Variants in DLGAP2 observed in about 807,000 individuals in gnomAD.
The protein encoded by DLGAP2 is disks large-associated protein 2.
Under a neutral mutation model 100.3 loss-of-function variants are expected in DLGAP2, and 26 were observed. That is an observed-to-expected ratio of 0.26 (90% CI 0.19 to 0.36). The LOEUF is 0.36. Ranked by LOEUF, DLGAP2 falls within the 10% of genes least tolerant of loss-of-function variation. The pLI, the probability that DLGAP2 is intolerant of heterozygous loss-of-function variation, is 1.00. For synonymous variants in DLGAP2, 886 were observed against 630.1 expected (o/e 1.41, Z -6.08); for missense variants, 1,858 against 1,453.2 (o/e 1.28, Z -4.53).
intron 3 of DLGAP2, among the ~76,000 whole-genome samples, chr8:1,364,927 G>A (rs59008115): frequency 2.0e-3 from 310 of 152,262 alleles, no homozygotes; most frequent in African/African-American, 4.8e-3. Flanking sequence ...GAACAGCAGC[G>A]AAGCTCCCAC....
In DLGAP2 at chr8:830,616, A is replaced by G. The variant is rs1585909406; in HGVS notation, c.19-77296A>G. ...ATTTAAGTTACGGGTGCTACTGAGTATGTTTCTTCCTTGTTTTCCATCTTT... is the reference window on the plus strand; with the variant it reads ...ATTTAAGTTACGGGTGCTACTGAGTGTGTTTCTTCCTTGTTTTCCATCTTT... On this transcript the variant is annotated intron_variant, in intron 1 of 14. Coordinates refer to ENST00000637795, the MANE Select transcript of DLGAP2 (RefSeq NM_001346810.2). Among the ~76,000 whole-genome samples the G allele has an allele frequency of 2.6e-5, 4 of 152,292 alleles. No homozygotes were observed. The East Asian group carries it at 7.7e-4, about 29-fold the overall frequency.
chr8:1,697,138 T>C lies in DLGAP2; in HGVS notation c.2797-9T>C. 1.3e-6 allele frequency: 2 copies of C among 1,558,260 alleles called. No individual in the cohort carries two copies. The highest frequency in any genetic ancestry group is 1.7e-6 in the Non-Finnish European group (2 of 1,150,776). ...CTCCTGGCTCTGAACACCCTGTGTG[T>C]GTCCCCAGGACCCCAGCGCCATGCC... is the stretch of plus-strand genomic sequence containing the variant. On this transcript the variant is annotated splice_polypyrimidine_tract_variant and intron_variant, in intron 13 of 14. Transcript: ENST00000637795.
intron 4 of DLGAP2, among the ~76,000 whole-genome samples, chr8:1,535,476 CAT>C (rs769071539): frequency 1.1e-4 from 17 of 152,220 alleles, no homozygotes; most frequent in Non-Finnish European, 2.4e-4. Context: ...TGTCGACACA[CAT>C]GTTGTTCATG....
At chr8:1,434,897 C>CA (rs1797570902) in intron 3 of DLGAP2, among the ~76,000 whole-genome samples, 1 of 152,208 alleles carries the variant, frequency 6.6e-6, no homozygotes, top group Non-Finnish European at 1.5e-5. Flanking sequence ...TCCTTCTTAT[C>CA]ACTGGGCTTT....
chr8:1,601,358 C>A (rs1424916592), intron 6 of DLGAP2, among the ~76,000 whole-genome samples: 1 of 152,186 alleles, frequency 6.6e-6, no homozygotes, highest in Non-Finnish European at 1.5e-5. Flanking sequence ...GGTCAGGGGC[C>A]CACTTGAGGA....
At chr8:1,467,418 G>A (rs1798657553) in intron 3 of DLGAP2, among the ~76,000 whole-genome samples, 2 of 150,046 alleles carry the variant, frequency 1.3e-5, no homozygotes, top group South Asian at 4.3e-4. Context: ...CACCTCCCAG[G>A]AGCTCCAGAG....
chr8:898,922 A>G (rs1164054128), intron 1 of DLGAP2, among the ~76,000 whole-genome samples: 2 of 152,208 alleles, frequency 1.3e-5, no homozygotes, highest in East Asian at 1.9e-4. Flanking sequence ...AGCAGCGCCG[A>G]CAGTTCCTGG....
At chr8:1,507,766 T>TCCTCCTTCACCCACGAC (rs1001855860) in intron 4 of DLGAP2, among the ~76,000 whole-genome samples, 18 of 133,634 alleles carry the variant, frequency 1.3e-4, no homozygotes, top group African/African-American at 5.8e-4. Context: ...CACCGAGTCT[T>TCCTCCTTCACCCACGAC]CCTCCTTCAC....
chr8:1,605,826 T>A (rs1053624720), intron 6 of DLGAP2, among the ~76,000 whole-genome samples: 2 of 152,188 alleles, frequency 1.3e-5, no homozygotes, highest in Non-Finnish European at 2.9e-5. Context: ...ATCATATAGT[T>A]GTAATAATCC....
chr8:1,001,869 C>G (rs1195818647), intron 2 of DLGAP2, among the ~76,000 whole-genome samples: 1 of 152,174 alleles, frequency 6.6e-6, no homozygotes, highest in African/African-American at 2.4e-5. Context: ...GATAATGCTG[C>G]TGATGCTTTG....
intron 2 of DLGAP2, among the ~76,000 whole-genome samples, chr8:1,163,915 C>T (rs1217841519): frequency 3.9e-5 from 6 of 152,246 alleles, no homozygotes; most frequent in Admixed American, 3.3e-4. Context: ...GTCCGGCGTC[C>T]GCGGGCCCTG....
intron 2 of DLGAP2, among the ~76,000 whole-genome samples, chr8:1,177,450 A>C (rs1353413680): frequency 6.6e-6 from 1 of 152,012 alleles, no homozygotes. Context: ...CTTTGGGCAC[A>C]CCGGAGCAGA....
At chr8:953,154 G>T (rs116436842) in intron 2 of DLGAP2, among the ~76,000 whole-genome samples, 1,878 of 152,232 alleles carry the variant, frequency 0.012, 45 homozygotes, top group African/African-American at 0.043. Flanking sequence ...CTGGCTCATG[G>T]TGTTAAATAC....
chr8:1,590,092 C>G (rs1011658999), intron 6 of DLGAP2, among the ~76,000 whole-genome samples: 2 of 152,206 alleles, frequency 1.3e-5, no homozygotes, highest in Non-Finnish European at 2.9e-5. Context: ...CATCACTCCA[C>G]CCTCGGCCTC....
In DLGAP2 at chr8:1,017,356, GAC is replaced by G. The variant is rs1240310305; in HGVS notation, c.73+109391_73+109392del. On this transcript the variant is annotated intron_variant, in intron 2 of 14. Coordinates refer to ENST00000637795, the MANE Select transcript of DLGAP2 (RefSeq NM_001346810.2). ...CACTGTGTGTGTGACCAGGACAGACGACGCCTCCACTGTGTGTGACCAGGACA... is the reference window on the plus strand; with the variant it reads ...CACTGTGTGTGTGACCAGGACAGACGGCCTCCACTGTGTGTGACCAGGACA... Among the ~76,000 whole-genome samples, 3 of 1,870 alleles carry G rather than the reference GAC, an allele frequency of 1.6e-3. 1 individual carries two copies. The African/African-American group carries it at 0.02, about 12-fold the overall frequency. The allele number at this position is 1,870 out of a possible 152,430, so 1.2% of individuals were successfully genotyped here.
At chr8:1,038,151 T>C (rs1398100932) in intron 2 of DLGAP2, among the ~76,000 whole-genome samples, 1 of 152,218 alleles carries the variant, frequency 6.6e-6, no homozygotes, top group Admixed American at 6.5e-5. Context: ...TCGCTACCTG[T>C]GTGTTTCTCA....
At position 1,139,821 on chromosome 8, in the gene DLGAP2, C is replaced by CT. The variant is rs530520154; in HGVS notation, c.74-119024dup. On this transcript the variant is annotated intron_variant, in intron 2 of 14. Transcript: ENST00000637795. Reference sequence around the variant, plus strand: ...TCTCTCAGCACCGTAAGTGTATTAACTTTTTTAATTCTCATAAGGGGTCTG... The same window carrying CT: ...TCTCTCAGCACCGTAAGTGTATTAACTTTTTTTAATTCTCATAAGGGGTCTG... Among the ~76,000 whole-genome samples the CT allele has an allele frequency of 4.5e-3, 686 of 152,088 alleles. 4 individuals carry two copies. The highest frequency in any genetic ancestry group is 7.5e-3 in the Non-Finnish European group (509 of 68,006).
intron 3 of DLGAP2, among the ~76,000 whole-genome samples, chr8:1,278,245 T>G (rs1035444355): frequency 4.6e-5 from 7 of 152,212 alleles, no homozygotes; most frequent in Non-Finnish European, 1.0e-4. Flanking sequence ...TTATTTTATC[T>G]ATAAAAGTGG....
rs1214969570 is a variant in DLGAP2 at position 1,111,349 on chromosome 8, G to A, written c.74-147502G>A. On this transcript the variant is annotated intron_variant, in intron 2 of 14. Coordinates refer to ENST00000637795, the MANE Select transcript of DLGAP2 (RefSeq NM_001346810.2). Reference sequence around the variant, plus strand: ...TTCAGGCCAGACTCCCTGGGTTCACGTTCCAGTCCCCATTTTCTGTGTGAC... The same window carrying A: ...TTCAGGCCAGACTCCCTGGGTTCACATTCCAGTCCCCATTTTCTGTGTGAC... Among the ~76,000 whole-genome samples, 3 of 151,858 alleles carry A rather than the reference G, an allele frequency of 2.0e-5. No individual in the cohort carries two copies. The South Asian group carries it at 6.2e-4, about 32-fold the overall frequency.
Sources: allele counts gnomAD v4.1 joint callset (sites outside exome capture counted in the v4.1 genomes callset), GRCh38; gene constraint gnomAD v4.1.1; transcripts MANE v1.5; gene names NCBI Gene and HGNC (gene_info 2026-07-23, HGNC 2026-07-21).